Variants in TRAF2 observed in about 807,000 individuals in gnomAD.
TRAF2 encodes the protein TNF receptor associated factor 2.
TRAF2 carries 6 observed loss-of-function variants against 55.6 expected under a neutral mutation model. The observed-to-expected ratio is 0.11, with a 90% CI of 0.06 to 0.21. TRAF2 has a LOEUF of 0.21. Among genes scored for constraint, TRAF2 ranks in the 10% least tolerant of loss-of-function variants. The pLI, the probability that TRAF2 is intolerant of heterozygous loss-of-function variation, is 1.00. For missense variants in TRAF2, 561 were observed against 684.5 expected (o/e 0.82, Z 2.01); for synonymous variants, 329 against 276.3 (o/e 1.19, Z -1.89).
At chr9:136,894,579 G>A (rs1849643970) in intron 1 of TRAF2, among the ~76,000 whole-genome samples, 1 of 152,096 alleles carries the variant, frequency 6.6e-6, no homozygotes, top group African/African-American at 2.4e-5. Context: ...AGGAGAGCAG[G>A]GGGATTGGGG....
intron 9 of TRAF2, among the ~76,000 whole-genome samples, chr9:136,922,107 A>G (rs1850400899): frequency 6.6e-6 from 1 of 152,178 alleles, no homozygotes; most frequent in South Asian, 2.1e-4. Flanking sequence ...ACTGGGGGCC[A>G]TGGCAGTCCT....
chr9:136,920,667 G>A, intron 8 of TRAF2, 152 bp downstream of exon 8: 1 of 1,150,134 alleles, frequency 8.7e-7, no homozygotes, highest in Non-Finnish European at 1.2e-6. Flanking sequence ...GTTTAGGGGA[G>A]GCTCTGGCCC....
intron 6 of TRAF2, among the ~76,000 whole-genome samples, chr9:136,913,818 CTTTGCTGGT>C (rs1850178831): frequency 6.6e-6 from 1 of 152,080 alleles, no homozygotes; most frequent in Admixed American, 6.6e-5. Flanking sequence ...TCCTCTCCAT[CTTTGCTGGT>C]TTTGCTGGAG....
intron 7 of TRAF2, among the ~76,000 whole-genome samples, chr9:136,919,315 T>TTG (rs71385781): frequency 1.4e-5 from 2 of 147,840 alleles, no homozygotes; most frequent in Non-Finnish European, 1.5e-5. Context: ...TTTTTTTTTT[T>TTG]GAGACAGAGT....
At chr9:136,889,211 T>G (rs1158736286) in intron 1 of TRAF2, among the ~76,000 whole-genome samples, 1 of 149,438 alleles carries the variant, frequency 6.7e-6, no homozygotes, top group Admixed American at 6.7e-5. Context: ...GTTTGTGTGG[T>G]TTTTTCTGTT....
chr9:136,901,274 A>G (rs544380721), intron 4 of TRAF2, among the ~76,000 whole-genome samples: 3 of 152,312 alleles, frequency 2.0e-5, no homozygotes, highest in African/African-American at 7.2e-5. Context: ...CTTGTAATGA[A>G]TGCCCTTTAA....
chr9:136,905,948 C>T (rs1277907669), intron 4 of TRAF2, among the ~76,000 whole-genome samples: 8 of 152,052 alleles, frequency 5.3e-5, no homozygotes, highest in East Asian at 1.9e-4. Flanking sequence ...ACTAAAAATA[C>T]AAAAAAATTA....
intron 6 of TRAF2, among the ~76,000 whole-genome samples, chr9:136,913,505 G>A (rs1200132275): frequency 6.6e-6 from 1 of 151,526 alleles, no homozygotes; most frequent in East Asian, 2.0e-4. Context: ...CACTATGTTG[G>A]CCAGGCTGGT....
chr9:136,890,919 G>A (rs913280168), intron 1 of TRAF2, among the ~76,000 whole-genome samples: 3 of 152,114 alleles, frequency 2.0e-5, no homozygotes, highest in Non-Finnish European at 2.9e-5. Flanking sequence ...GGTGGAGGAC[G>A]TGCACTTTGT....
At chr9:136,924,961 T>G (rs183420439) in intron 10 of TRAF2, among the ~76,000 whole-genome samples, 1 of 152,156 alleles carries the variant, frequency 6.6e-6, no homozygotes, top group Non-Finnish European at 1.5e-5. Flanking sequence ...CTGGTCTTGA[T>G]CTCCTGACCT....
chr9:136,923,950 G>A lies in TRAF2; in HGVS notation c.1237G>A (p.Val413Met). The part of the protein sequence containing the change: ...RGTHLSLFFV[V>M]MKGPNDALLR... ...AACACACCTGTCCCTCTTCTTTGTG[G>A]TGATGAAGGGCCCGAATGACGCCCT... Residue 413 changes from valine to methionine, a missense_variant, in exon 10 of 11, where the codon GTG becomes ATG. Around this residue, in one of 2 missense-constraint regions of TRAF2, gnomAD observed 135 missense variants for 207.7 expected, o/e 0.65. Coordinates refer to ENST00000247668, the MANE Select transcript of TRAF2 (RefSeq NM_021138.4). The A allele has an allele frequency of 6.2e-7, 1 of 1,614,034 alleles. No homozygotes were observed. Among genetic ancestry groups the A allele is most frequent in the Non-Finnish European group, 8.5e-7 (1 of 1,180,010 alleles).
intron 8 of TRAF2, among the ~76,000 whole-genome samples, chr9:136,920,746 C>T (rs1332085632): frequency 6.6e-6 from 1 of 152,184 alleles, no homozygotes; most frequent in African/African-American, 2.4e-5. Context: ...AGGCCGTGGG[C>T]AGGAGCCTCT....
intron 1 of TRAF2, among the ~76,000 whole-genome samples, chr9:136,889,888 G>A (rs1383324505): frequency 2.6e-5 from 4 of 152,100 alleles, no homozygotes; most frequent in Non-Finnish European, 5.9e-5. Context: ...TCATTCAGTC[G>A]GTCACCGCAT....
intron 1 of TRAF2, among the ~76,000 whole-genome samples, chr9:136,891,041 C>T (rs1588417603): frequency 6.6e-6 from 1 of 152,268 alleles, no homozygotes; most frequent in Middle Eastern, 3.4e-3. Flanking sequence ...CCTCGGCCTC[C>T]TGAGTAGCTG....
At chr9:136,900,134 A>G (rs1849781009) in intron 3 of TRAF2, among the ~76,000 whole-genome samples, 1 of 148,582 alleles carries the variant, frequency 6.7e-6, no homozygotes, top group Non-Finnish European at 1.5e-5. Flanking sequence ...ATGCCACTGC[A>G]CTCCAACCTG....
rs116845959 is a variant in TRAF2, at chr9:136,898,174, G to A, written c.-28-539G>A. Among the ~76,000 whole-genome samples, 12 of 152,262 alleles carry A rather than the reference G, an allele frequency of 7.9e-5. No individual in the cohort carries two copies. The East Asian group carries it at 2.1e-3, about 27-fold the overall frequency. On this transcript the variant is annotated intron_variant, in intron 1 of 10. Coordinates refer to ENST00000247668, the MANE Select transcript of TRAF2 (RefSeq NM_021138.4). ...CCAGCCCCAGGTGTGCTACATTCCC[G>A]CTCTAGGGGCTGGTCTGGCGGCATG...
chr9:136,918,074 A>G (rs1850282522), intron 7 of TRAF2, among the ~76,000 whole-genome samples: 1 of 151,570 alleles, frequency 6.6e-6, no homozygotes, highest in South Asian at 2.1e-4. Context: ...CATGGTCCCA[A>G]CAGCAGCACT....
chr9:136,912,150 CCCTTTTT>C (rs1850127152), intron 6 of TRAF2, among the ~76,000 whole-genome samples: 1 of 125,058 alleles, frequency 8.0e-6, no homozygotes, highest in African/African-American at 3.4e-5. Context: ...CTGCGTCTGG[CCCTTTTT>C]TTTTTTTTTT....
chr9:136,909,206 C>T (rs374617593), intron 5 of TRAF2, among the ~76,000 whole-genome samples: 24 of 26,454 alleles, frequency 9.1e-4, no homozygotes, highest in African/African-American at 5.7e-3. Flanking sequence ...TCAAGTCTGA[C>T]TTCGCCTTCC....
Sources: gnomAD v4.1 joint callset for allele counts (sites outside exome capture counted in the v4.1 genomes callset) on GRCh38, gnomAD v4.1.1 for gene constraint, gnomAD v4.1.1 regional missense constraint, MANE v1.5 for transcripts, NCBI Gene and HGNC (gene_info 2026-07-23, HGNC 2026-07-21) for gene names.